GOLGA3: variants seen among roughly 807,000 people sequenced by gnomAD.
GOLGA3 encodes the protein golgin subfamily A member 3.
A neutral mutation model predicts 169.4 loss-of-function variants in GOLGA3; 75 were observed. The ratio of observed to expected loss-of-function variants is 0.44; its 90% CI spans 0.37 to 0.54. The LOEUF (loss-of-function observed/expected upper bound fraction) is 0.54, where lower values mean the gene tolerates loss of function less well. Ranked by LOEUF, GOLGA3 falls within the 20% of genes least tolerant of loss-of-function variation. The pLI, the probability that GOLGA3 is intolerant of heterozygous loss-of-function variation, is 0.00. For synonymous variants in GOLGA3, 824 were observed against 822.4 expected, an observed-to-expected ratio of 1.00 and a Z score of -0.03; for missense variants, 1,899 against 1,930.0, an observed-to-expected ratio of 0.98 and a Z score of 0.30.
At position 132,805,268 on chromosome 12, in the gene GOLGA3, G is replaced by A. The variant is rs186011370; in HGVS notation, c.1291-246C>T. 2.8e-3 allele frequency among the ~76,000 whole-genome samples: 335 copies of A among 117,788 alleles called. 3 individuals carry two copies. Among genetic ancestry groups the A allele is most frequent in the African/African-American group, 0.011 (307 of 28,804 alleles). The allele number at this position is 117,788 out of a possible 152,430, so 77.3% of individuals were successfully genotyped here. A position where few individuals can be genotyped will look rare whatever the true frequency, so the allele number is the denominator to read the frequency against. ...ACAGGGGACCCCAAGACCCCCAGGC[G>A]CTCTCCCAAGGCCTGACAGAGGACC... On this transcript the variant is annotated intron_variant, in intron 6 of 23. Coordinates refer to ENST00000450791, the MANE Select transcript of GOLGA3 (RefSeq NM_001389683.1).
intron 13 of GOLGA3, among the ~76,000 whole-genome samples, chr12:132,788,349 G>A (rs1044079160): frequency 2.6e-5 from 4 of 152,110 alleles, no homozygotes; most frequent in African/African-American, 7.2e-5. Context: ...GCCATCAGAC[G>A]ACTCTCCCCA....
intron 11 of GOLGA3, among the ~76,000 whole-genome samples, chr12:132,792,207 T>G (rs1948563713): frequency 6.6e-6 from 1 of 152,166 alleles, no homozygotes; most frequent in Admixed American, 6.5e-5. Flanking sequence ...GGGCTCTCCC[T>G]CCTCACCACT....
chr12:132,784,183 A>C lies in GOLGA3; in HGVS notation c.3248T>G (p.Val1083Gly). The C allele has an allele frequency of 1.2e-6, 2 of 1,609,048 alleles. No individual in the cohort carries two copies. Among genetic ancestry groups the C allele is most frequent in the Non-Finnish European group, 1.7e-6 (2 of 1,179,984 alleles). Residue 1083 changes from valine (V) to glycine (G), a missense_variant, in exon 16 of 24, where the codon GTG (valine) becomes GGG (glycine). Val to Gly is a moderately radical substitution (Grantham distance 109, BLOSUM62 -3). Transcript: ENST00000450791. Reference protein sequence around the residue: ...SQELEESREKVLELEDELQES... With the variant: ...SQELEESREKGLELEDELQES... ...CCTCACCTCGTCCTCCAGCTCCAGC[A>C]CCTTCTCCCGGGACTCCTCCAGCTC...
At chr12:132,786,844 C>T (rs1389101886) in intron 13 of GOLGA3, 57 bp from the exon 14 acceptor site, 3 of 1,199,296 alleles carry the variant, frequency 2.5e-6, no homozygotes, top group Non-Finnish European at 3.7e-6. Flanking sequence ...CCTGTCTCCC[C>T]TTCCTGGCTC....
chr12:132,796,837 A>C (rs1389475331), intron 9 of GOLGA3, 137 bp from the exon 10 acceptor site: 2 of 907,680 alleles, frequency 2.2e-6, no homozygotes, highest in Non-Finnish European at 3.3e-6. Flanking sequence ...TACCGACTGC[A>C]GACTGAGGGC....
intron 4 of GOLGA3, among the ~76,000 whole-genome samples, chr12:132,809,528 G>A (rs557234015): frequency 2.0e-5 from 3 of 148,258 alleles, no homozygotes; most frequent in Admixed American, 7.0e-5. Context: ...GCCTGGTAAC[G>A]GGCGTCTTCC....
intron 17 of GOLGA3, among the ~76,000 whole-genome samples, chr12:132,781,798 G>A (rs926015278): frequency 3.9e-5 from 6 of 152,140 alleles, no homozygotes; most frequent in Non-Finnish European, 7.4e-5. Context: ...AACCAGGTCA[G>A]GGTTCAAGTC....
Position 132,807,954 on chromosome 12 carries a change from T to G in GOLGA3, c.1115A>C (p.His372Pro). 1 of 1,611,622 alleles carries G rather than the reference T, an allele frequency of 6.2e-7. No individual in the cohort carries two copies. Among genetic ancestry groups the G allele is most frequent in the Non-Finnish European group, 8.5e-7 (1 of 1,178,958 alleles). ...GTTGACCTCCTGCCCCTGGTCTTGG[T>G]GCTCAGCGGCTGCGGCCTGGAGGAC... ...KDVLQAAAAE[H>P]QDQGQEVNGE... is the part of the protein sequence containing the mutation. The change falls in exon 5 of 24, where the codon CAC becomes CCC. Residue 372 changes from histidine (H) to proline (P), a missense_variant. Physicochemically the swap from His to Pro is moderately conservative, Grantham distance 77 (BLOSUM62 -2). Transcript: ENST00000450791.
intron 7 of GOLGA3, 44 bp from the exon 8 acceptor site, chr12:132,802,013 C>CG: frequency 6.6e-7 from 1 of 1,513,568 alleles, no homozygotes. Context: ...CGACGGCCAA[C>CG]GGGGGAGTCC....
rs12369059 is a variant in GOLGA3 at position 132,771,913 on chromosome 12, C to A, written c.*1192G>T. The stretch of plus-strand genomic sequence containing the variant: ...AAAGGTCAGATCAGATATGGGGCCT[C>A]AGTGTCCTTGTGCCTCCTGATGGCC... On this transcript the variant is annotated 3_prime_UTR_variant, in exon 24 of 24. Transcript: ENST00000450791. 6.6e-6 allele frequency: 1 copy of A among 152,504 alleles called. No individual in the cohort carries two copies. Among genetic ancestry groups the A allele is most frequent in the African/African-American group, 2.4e-5 (1 of 41,548 alleles). The allele number at this position is 152,504 out of a possible 1,614,324, so 9.4% of individuals were successfully genotyped here. A position where few individuals can be genotyped will look rare whatever the true frequency, so the allele number is the denominator to read the frequency against.
At chr12:132,791,150 A>G (rs781758539) in intron 12 of GOLGA3, 66 bp downstream of exon 12, 5 of 828,090 alleles carry the variant, frequency 6.0e-6, no homozygotes, top group Non-Finnish European at 1.0e-5. Context: ...TTGCTAAGCA[A>G]TTAAACCACA....
intron 4 of GOLGA3, among the ~76,000 whole-genome samples, chr12:132,812,192 T>TACACACACACACACAC (rs140337948): frequency 7.4e-5 from 10 of 135,074 alleles, no homozygotes; most frequent in East Asian, 2.2e-4. Flanking sequence ...TGTCTCAAAA[T>TACACACACACACACAC]ACACACACAC....
rs753630100 is a variant in GOLGA3, at chr12:132,796,110, C to A, written c.2211G>T (p.Glu737Asp). Residue 737 changes from glutamate to aspartate, a missense_variant, in exon 11 of 24, where the codon GAG becomes GAT. By Grantham distance (45) the Glu-to-Asp change is conservative. Coordinates refer to ENST00000450791, the MANE Select transcript of GOLGA3 (RefSeq NM_001389683.1). Reference protein sequence around the residue: ...TLTQEALQSREQSLDALQTHY... With the variant: ...TLTQEALQSRDQSLDALQTHY... Reference sequence around the variant, plus strand: ...GTGTCTGCAGGGCATCGAGGGACTGCTCCCTGCTCTGCAGAGCCTCCTGAG... The same window carrying A: ...GTGTCTGCAGGGCATCGAGGGACTGATCCCTGCTCTGCAGAGCCTCCTGAG... 1 of 1,612,904 alleles carries A rather than the reference C, an allele frequency of 6.2e-7. No individual in the cohort carries two copies. Among genetic ancestry groups the A allele is most frequent in the Admixed American group, 1.7e-5 (1 of 60,014 alleles).
intron 18 of GOLGA3, among the ~76,000 whole-genome samples, chr12:132,780,008 C>T (rs151100442): frequency 0.026 from 3,381 of 130,722 alleles, 80 homozygotes; most frequent in Admixed American, 0.094. Flanking sequence ...CAGGCACACA[C>T]GTGCGCACAC....
At chr12:132,775,510 T>C (rs187660725) in intron 21 of GOLGA3, among the ~76,000 whole-genome samples, 1 of 152,352 alleles carries the variant, frequency 6.6e-6, no homozygotes, top group Admixed American at 6.5e-5. Context: ...ACCAGCTGAG[T>C]ATCCACAATC....
rs372300072 is a variant in GOLGA3 at position 132,786,326 on chromosome 12, C to G, written c.3123+13G>C. 6.4e-7 allele frequency: 1 copy of G among 1,554,950 alleles called. No individual in the cohort carries two copies. The highest frequency in any genetic ancestry group is 8.8e-7 in the Non-Finnish European group (1 of 1,140,380). On this transcript the variant is annotated intron_variant, in intron 15 of 23. Transcript: ENST00000450791. Reference sequence around the variant, plus strand: ...CTGGTGACCCTGGCCGGGGATGGCACGGTGTTACCTACATGTAGAGCCAGG... The same window carrying G: ...CTGGTGACCCTGGCCGGGGATGGCAGGGTGTTACCTACATGTAGAGCCAGG...
intron 11 of GOLGA3, among the ~76,000 whole-genome samples, chr12:132,794,416 C>G (rs1437656605): frequency 6.6e-6 from 1 of 151,962 alleles, no homozygotes; most frequent in Non-Finnish European, 1.5e-5. Flanking sequence ...ACCAGGCAGG[C>G]CCAGGAGGCC....
At position 132,769,784 on chromosome 12, in the gene GOLGA3, C is replaced by G. The variant is rs1274711957; in HGVS notation, c.*3321G>C. 6.6e-6 allele frequency: 1 copy of G among 152,216 alleles called. No individual in the cohort carries two copies. The highest frequency in any genetic ancestry group is 1.5e-5 in the Non-Finnish European group (1 of 68,040). 9.4% of individuals were successfully genotyped at this position (152,216 alleles called of 1,614,324 possible). On this transcript the variant is annotated 3_prime_UTR_variant, in exon 24 of 24. Transcript: ENST00000450791. ...GTTTTGTAAGCAGTACTCCCAACTT[C>G]ACTGCCTTTTCCGTGAGGATATTCC...
At chr12:132,813,218 C>T in intron 4 of GOLGA3, 89 bp downstream of exon 4, 1 of 833,584 alleles carries the variant, frequency 1.2e-6, no homozygotes. Context: ...TCAGAGAAGC[C>T]AATGGCAGGT....
Sources: gnomAD v4.1 joint callset for allele counts (sites outside exome capture counted in the v4.1 genomes callset) on GRCh38, gnomAD v4.1.1 for gene constraint, MANE v1.5 for transcripts, NCBI Gene and HGNC (gene_info 2026-07-23, HGNC 2026-07-21) for gene names.